The following CORO2A variants were observed in gnomAD, a reference collection of about 807,000 sequenced individuals.
CORO2A encodes the protein coronin 2A, also known as coronin-2A.
A neutral mutation model predicts 62.4 loss-of-function variants in CORO2A; 47 were observed. The ratio of observed to expected loss-of-function variants is 0.75; its 90% CI spans 0.60 to 0.96. The LOEUF (loss-of-function observed/expected upper bound fraction) is 0.96. Ranked by LOEUF, CORO2A falls within the 40% of genes least tolerant of loss-of-function variation. CORO2A has a pLI of 0.00. For missense variants in CORO2A, 610 were observed against 684.1 expected (o/e 0.89, Z 1.21); for synonymous variants, 273 against 268.9 (o/e 1.02, Z -0.15).
chr9:98,166,936 G>C (rs1827968837), intron 1 of CORO2A, among the ~76,000 whole-genome samples: 1 of 135,756 alleles, frequency 7.4e-6, no homozygotes, highest in South Asian at 2.4e-4. Flanking sequence ...CCTCATCTCT[G>C]CTAGAAATAA....
Position 98,169,180 on chromosome 9 carries a change from C to T in CORO2A, c.1-11520G>A, listed in dbSNP as rs78007144. Among the ~76,000 whole-genome samples the T allele has an allele frequency of 2.4e-4, 36 of 152,302 alleles. No homozygotes were observed. The South Asian group carries it at 4.8e-3, about 20-fold the overall frequency. ...TGCAAACAGCAAATGCAAAGAGTCC[C>T]GTCCTCAGGTTTCCGCCTTCCCCGC... On this transcript the variant is annotated intron_variant, in intron 1 of 11. Transcript: ENST00000375077.
chr9:98,185,578 G>C (rs1450655884), intron 1 of CORO2A, among the ~76,000 whole-genome samples: 1 of 152,190 alleles, frequency 6.6e-6, no homozygotes, highest in Admixed American at 6.5e-5. Context: ...GGTCTACCTG[G>C]TCAGCCAGGT....
chr9:98,187,457 T>G (rs1004905896), intron 1 of CORO2A, among the ~76,000 whole-genome samples: 20 of 13,580 alleles, frequency 1.5e-3, no homozygotes, highest in African/African-American at 8.1e-3. Flanking sequence ...AAACTCCATC[T>G]CAAAAAAAAA....
intron 1 of CORO2A, among the ~76,000 whole-genome samples, chr9:98,174,173 C>A (rs1239679841): frequency 6.7e-6 from 1 of 149,724 alleles, no homozygotes; most frequent in Non-Finnish European, 1.5e-5. Context: ...GTAGCCCTGG[C>A]CCATGGTAAA....
intron 3 of CORO2A, among the ~76,000 whole-genome samples, chr9:98,136,981 C>A (rs897145548): frequency 6.6e-6 from 1 of 152,198 alleles, no homozygotes; most frequent in Non-Finnish European, 1.5e-5. Context: ...AGCCACTGAA[C>A]CTGGCATATC....
Position 98,132,447 on chromosome 9 carries a change from A to G in CORO2A, c.649-146T>C, listed in dbSNP as rs1827422164. 4.7e-6 allele frequency: 3 copies of G among 637,034 alleles called. No homozygotes were observed. The East Asian group carries it at 8.1e-5, about 17-fold the overall frequency. The allele number at this position is 637,034 out of a possible 1,614,324, so 39.5% of individuals were successfully genotyped here. A position where few individuals can be genotyped will look rare whatever the true frequency, so the allele number is the denominator to read the frequency against. On this transcript the variant is annotated intron_variant, in intron 5 of 11. Transcript: ENST00000375077. ...CCAGCTCTGCCTGGAGATTCTTCCC[A>G]GGGGCACCACCTGGATCCCTCTCAT... is the stretch of plus-strand genomic sequence containing the variant.
chr9:98,140,097 C>G (rs989637507), intron 2 of CORO2A, among the ~76,000 whole-genome samples: 1 of 152,154 alleles, frequency 6.6e-6, no homozygotes, highest in African/African-American at 2.4e-5. Flanking sequence ...GAACAGGGAC[C>G]AGGACCCAGG....
At chr9:98,182,706 A>C (rs1479258944) in intron 1 of CORO2A, among the ~76,000 whole-genome samples, 1 of 152,224 alleles carries the variant, frequency 6.6e-6, no homozygotes, top group African/African-American at 2.4e-5. Context: ...CTGCCTCCTT[A>C]TCTGTAAAAA....
chr9:98,152,138 T>TTTG (rs397748600), intron 2 of CORO2A, among the ~76,000 whole-genome samples: 1 of 150,686 alleles, frequency 6.6e-6, no homozygotes, highest in African/African-American at 2.4e-5. Flanking sequence ...TTTTTTTTTT[T>TTTG]GTTTTTTCTT....
intron 9 of CORO2A, 101 bp from the exon 10 acceptor site, chr9:98,128,361 G>A (rs1369157362): frequency 9.2e-6 from 9 of 976,568 alleles, no homozygotes; most frequent in Non-Finnish European, 1.4e-5. Context: ...AACCCCTGCT[G>A]AATTGAGGAA....
At chr9:98,178,149 C>T (rs1828133285) in intron 1 of CORO2A, among the ~76,000 whole-genome samples, 1 of 152,274 alleles carries the variant, frequency 6.6e-6, no homozygotes, top group African/African-American at 2.4e-5. Flanking sequence ...TGGACTCAAG[C>T]AATCCTCCTG....
rs765823502 is a variant in CORO2A, at chr9:98,129,790, T to C, written c.967+4A>G. 1.9e-6 allele frequency: 3 copies of C among 1,609,962 alleles called. No individual in the cohort carries two copies. The highest frequency in any genetic ancestry group is 2.6e-6 in the Non-Finnish European group (3 of 1,176,340). ...AGGCATGAACTTCAGTGTCCCTCACTTACCGATCCCCTTCTGTGGGTTATA... is the reference window on the plus strand; with the variant it reads ...AGGCATGAACTTCAGTGTCCCTCACCTACCGATCCCCTTCTGTGGGTTATA... On this transcript the variant is annotated splice_donor_region_variant and intron_variant, in intron 8 of 11. Transcript: ENST00000375077.
chr9:98,147,185 C>T (rs1001582912), intron 2 of CORO2A, among the ~76,000 whole-genome samples: 1 of 152,012 alleles, frequency 6.6e-6, no homozygotes, highest in Non-Finnish European at 1.5e-5. Flanking sequence ...AAACAAACCA[C>T]AAGCAAAGTG....
chr9:98,146,945 A>C (rs1022774124), intron 2 of CORO2A, among the ~76,000 whole-genome samples: 1 of 152,190 alleles, frequency 6.6e-6, no homozygotes, highest in Non-Finnish European at 1.5e-5. Flanking sequence ...TGGTGCCTGC[A>C]CAGTAGTAAT....
intron 10 of CORO2A, 54 bp downstream of exon 10, chr9:98,128,116 G>A (rs1019026501): frequency 6.9e-7 from 1 of 1,451,400 alleles, no homozygotes; most frequent in Non-Finnish European, 9.6e-7. Flanking sequence ...TGGGGCCACT[G>A]GGCACGCCAT....
chr9:98,146,122 C>T (rs1040748086), intron 2 of CORO2A, among the ~76,000 whole-genome samples: 1 of 152,220 alleles, frequency 6.6e-6, no homozygotes, highest in South Asian at 2.1e-4. Context: ...GGCCTGTCTA[C>T]TCCCAGCAGG....
chr9:98,175,520 C>T (rs1001209366), intron 1 of CORO2A, among the ~76,000 whole-genome samples: 5 of 152,190 alleles, frequency 3.3e-5, no homozygotes, highest in African/African-American at 9.7e-5. Flanking sequence ...TTTTGCTGTG[C>T]GATGCTGTGA....
At chr9:98,173,777 T>G (rs772434505) in intron 1 of CORO2A, among the ~76,000 whole-genome samples, 10 of 152,200 alleles carry the variant, frequency 6.6e-5, no homozygotes, top group Non-Finnish European at 1.3e-4. Context: ...TAAGTCTTGA[T>G]ACCACATCGT....
intron 1 of CORO2A, among the ~76,000 whole-genome samples, chr9:98,190,194 C>A (rs1000224380): frequency 7.9e-5 from 12 of 152,246 alleles, no homozygotes; most frequent in African/African-American, 2.9e-4. Context: ...CAGAAGACAA[C>A]TTCTTACAAA....
Sources: allele counts gnomAD v4.1 joint callset (sites outside exome capture counted in the v4.1 genomes callset), GRCh38; gene constraint gnomAD v4.1.1; transcripts MANE v1.5; gene names NCBI Gene and HGNC (gene_info 2026-07-23, HGNC 2026-07-21).